NEK11: variants seen among roughly 807,000 people sequenced by gnomAD.
NEK11 encodes NIMA related kinase 11, also known as serine/threonine-protein kinase Nek11.
In NEK11, 72 loss-of-function variants were observed where a neutral mutation model predicts 80.7. The ratio of observed to expected loss-of-function variants is 0.89; its 90% CI spans 0.74 to 1.08. NEK11 has a LOEUF of 1.08. NEK11 is among the 50% of genes least tolerant of loss of function. The pLI is 0.00. For synonymous variants in NEK11, 251 were observed against 260.7 expected (o/e 0.96, Z 0.36); for missense variants, 764 against 763.6 (o/e 1.00, Z -0.01).
intron 3 of NEK11, among the ~76,000 whole-genome samples, chr3:131,052,993 A>T (rs1467145324): frequency 6.6e-6 from 1 of 152,134 alleles, no homozygotes; most frequent in Non-Finnish European, 1.5e-5. Flanking sequence ...AACAAGTTTG[A>T]CTACTGAACT....
At chr3:131,197,974 C>T (rs949566900) in intron 14 of NEK11, among the ~76,000 whole-genome samples, 4 of 152,154 alleles carry the variant, frequency 2.6e-5, no homozygotes, top group Non-Finnish European at 5.9e-5. Flanking sequence ...CAATAATAAT[C>T]TCCTAATGGC....
chr3:131,033,202 T>C (rs943283729), intron 3 of NEK11, among the ~76,000 whole-genome samples: 1 of 152,182 alleles, frequency 6.6e-6, no homozygotes, highest in Non-Finnish European at 1.5e-5. Flanking sequence ...TTTTTTGTGT[T>C]GATACTGAAC....
intron 5 of NEK11, among the ~76,000 whole-genome samples, chr3:131,115,922 CT>C: frequency 1.0e-5 from 1 of 98,046 alleles, no homozygotes; most frequent in African/African-American, 4.1e-5. Context: ...TTCTTTCTTT[CT>C]TTCTTTCTTT....
intron 16 of NEK11, among the ~76,000 whole-genome samples, chr3:131,266,653 G>A (rs532371212): frequency 1.3e-5 from 2 of 152,302 alleles, no homozygotes; most frequent in Admixed American, 6.5e-5. Context: ...GAATAAGTGC[G>A]ATGTGGTGCT....
intron 3 of NEK11, among the ~76,000 whole-genome samples, chr3:131,073,927 A>G (rs1378187014): frequency 6.6e-6 from 1 of 152,094 alleles, no homozygotes; most frequent in South Asian, 2.1e-4. Context: ...CCAGGGAGCA[A>G]TTTTAGCCAG....
chr3:131,183,925 C>G (rs2093482860), intron 14 of NEK11, among the ~76,000 whole-genome samples: 1 of 152,064 alleles, frequency 6.6e-6, no homozygotes, highest in Non-Finnish European at 1.5e-5. Flanking sequence ...TTCCTATTTC[C>G]CCACAGCCTT....
rs146013024 is a variant in NEK11, at chr3:131,233,347, G to A, written c.1560+4659G>A. Among the ~76,000 whole-genome samples, 74 of 152,338 alleles carry A rather than the reference G, an allele frequency of 4.9e-4. No individual in the cohort carries two copies. The East Asian group carries it at 0.014, about 29-fold the overall frequency. On this transcript the variant is annotated intron_variant, in intron 15 of 17. Transcript: ENST00000383366. The stretch of plus-strand genomic sequence containing the variant: ...GGACCCTGCATTGGATCCCGAAGGT[G>A]TTGTAGCCGAGGGCTGTCAGATCAC...
intron 15 of NEK11, among the ~76,000 whole-genome samples, chr3:131,233,034 A>AAGGAAGGAAGGAAGGT (rs1553954015): frequency 2.8e-5 from 4 of 140,634 alleles, no homozygotes; most frequent in East Asian, 4.2e-4. Flanking sequence ...GGAAGGAAGG[A>AAGGAAGGAAGGAAGGT]AGGTTGGATG....
intron 17 of NEK11, among the ~76,000 whole-genome samples, chr3:131,297,950 G>A (rs1342477507): frequency 6.6e-6 from 1 of 151,838 alleles, no homozygotes; most frequent in African/African-American, 2.4e-5. Flanking sequence ...TTTTTCTCGG[G>A]TTTGTCAAAG....
At chr3:131,245,274 C>CT (rs1056845185) in intron 16 of NEK11, among the ~76,000 whole-genome samples, 4 of 147,522 alleles carry the variant, frequency 2.7e-5, no homozygotes, top group African/African-American at 5.2e-5. Context: ...TGATTTTATT[C>CT]TTTTTTTGTG....
At chr3:131,043,811 G>A (rs1039641871) in intron 3 of NEK11, among the ~76,000 whole-genome samples, 41 of 152,224 alleles carry the variant, frequency 2.7e-4, no homozygotes, top group African/African-American at 9.9e-4. Flanking sequence ...ACACATAATC[G>A]TCAGATTCAC....
At chr3:131,144,270 C>A (rs2087646006) in intron 7 of NEK11, among the ~76,000 whole-genome samples, 1 of 152,052 alleles carries the variant, frequency 6.6e-6, no homozygotes, top group Non-Finnish European at 1.5e-5. Flanking sequence ...TATTCATACT[C>A]CCTCAGGGAT....
intron 17 of NEK11, among the ~76,000 whole-genome samples, chr3:131,334,997 A>T (rs1271746184): frequency 6.6e-6 from 1 of 152,216 alleles, no homozygotes; most frequent in Non-Finnish European, 1.5e-5. Flanking sequence ...AACCAAAAAG[A>T]GTCCGGGACC....
At chr3:131,313,298 T>G (rs865873976) in intron 17 of NEK11, among the ~76,000 whole-genome samples, 4 of 152,190 alleles carry the variant, frequency 2.6e-5, no homozygotes, top group African/African-American at 9.6e-5. Context: ...GCATGTATCT[T>G]TATGATAGAA....
chr3:131,224,806 G>T (rs989633286), intron 14 of NEK11, among the ~76,000 whole-genome samples: 2 of 151,798 alleles, frequency 1.3e-5, no homozygotes, highest in African/African-American at 2.4e-5. Flanking sequence ...AGTTGAAAAA[G>T]AAAAAGAAAG....
chr3:131,140,320 G>A (rs1160547063), intron 7 of NEK11, among the ~76,000 whole-genome samples: 1 of 152,164 alleles, frequency 6.6e-6, no homozygotes, highest in Non-Finnish European at 1.5e-5. Context: ...GCCACATTGA[G>A]AGGAACCAAG....
intron 17 of NEK11, among the ~76,000 whole-genome samples, chr3:131,278,876 C>T (rs1417181487): frequency 5.3e-5 from 8 of 152,060 alleles, no homozygotes; most frequent in Non-Finnish European, 8.8e-5. Context: ...TCTGGAAACC[C>T]GTGAGAAATG....
At chr3:131,256,398 T>C (rs894935436) in intron 16 of NEK11, among the ~76,000 whole-genome samples, 6 of 152,182 alleles carry the variant, frequency 3.9e-5, no homozygotes, top group Admixed American at 3.9e-4. Flanking sequence ...AATTAATTTG[T>C]TCAAAGTTAA....
chr3:131,039,407 A>G (rs1401768531), intron 3 of NEK11, among the ~76,000 whole-genome samples: 2 of 152,244 alleles, frequency 1.3e-5, no homozygotes, highest in Non-Finnish European at 2.9e-5. Context: ...TTTCTACACA[A>G]GCAGCCTTTT....
Sources: allele counts gnomAD v4.1 joint callset (sites outside exome capture counted in the v4.1 genomes callset), GRCh38; gene constraint gnomAD v4.1.1; transcripts MANE v1.5; gene names NCBI Gene and HGNC (gene_info 2026-07-23, HGNC 2026-07-21).